SPAG17: variants seen among roughly 807,000 people sequenced by gnomAD.
SPAG17 encodes the protein sperm associated antigen 17, also known as sperm-associated antigen 17.
Under a neutral mutation model 273.6 loss-of-function variants are expected in SPAG17, and 169 were observed. That is an observed-to-expected ratio of 0.62 (90% CI 0.55 to 0.70). The LOEUF is 0.70. SPAG17 is among the 30% of genes least tolerant of loss of function. The pLI is 0.00. For synonymous variants in SPAG17, 825 were observed against 873.2 expected, an observed-to-expected ratio of 0.94 and a Z score of 0.97; for missense variants, 2,557 against 2,627.8, an observed-to-expected ratio of 0.97 and a Z score of 0.59.
At chr1:118,090,611 C>T (rs941694853) in intron 10 of SPAG17, among the ~76,000 whole-genome samples, 1 of 152,070 alleles carries the variant, frequency 6.6e-6, no homozygotes, top group African/African-American at 2.4e-5. Context: ...GAGCCAGACA[C>T]GGTGGTTCAT....
chr1:118,047,517 TC>T (rs1419001920), intron 20 of SPAG17, among the ~76,000 whole-genome samples: 1 of 151,926 alleles, frequency 6.6e-6, no homozygotes, highest in Non-Finnish European at 1.5e-5. Flanking sequence ...TCAAGCTGGC[TC>T]CCCATGGCCC....
At chr1:118,159,047 T>G (rs74113558) in intron 1 of SPAG17, among the ~76,000 whole-genome samples, 30 of 152,308 alleles carry the variant, frequency 2.0e-4, no homozygotes, top group African/African-American at 7.2e-4. Flanking sequence ...TAAAGAGAAC[T>G]TTTACACATG....
intron 24 of SPAG17, among the ~76,000 whole-genome samples, chr1:118,032,843 C>T (rs1027036778): frequency 7.2e-5 from 11 of 152,256 alleles, no homozygotes; most frequent in East Asian, 5.8e-4. Flanking sequence ...ATCCGCCCAC[C>T]TCGGCCTCCA....
intron 3 of SPAG17, among the ~76,000 whole-genome samples, chr1:118,144,094 G>A (rs1268059805): frequency 6.6e-6 from 1 of 152,198 alleles, no homozygotes; most frequent in African/African-American, 2.4e-5. Flanking sequence ...AAGAGAGCTG[G>A]GGCATGATTT....
chr1:118,119,171 A>G (rs573471698), intron 3 of SPAG17, among the ~76,000 whole-genome samples: 1 of 152,324 alleles, frequency 6.6e-6, no homozygotes, highest in African/African-American at 2.4e-5. Context: ...ATATATGTGC[A>G]TATATAAGAT....
Position 117,966,732 on chromosome 1 carries a change from C to A in SPAG17, c.6409G>T (p.Glu2137Ter). The A allele has an allele frequency of 6.2e-7, 1 of 1,612,806 alleles. No homozygotes were observed. Among genetic ancestry groups the A allele is most frequent in the African/African-American group, 1.3e-5 (1 of 75,006 alleles). ...PGPVAAGMQT[E>*]LNIELFATAV... ...GTGGCAAATAACTCTATATTCAGTTCTGTCTGCATACCAGCTGCCACCTAT... is the reference window on the plus strand; with the variant it reads ...GTGGCAAATAACTCTATATTCAGTTATGTCTGCATACCAGCTGCCACCTAT... Residue 2137 changes from glutamate to a stop codon, truncating the protein, a stop_gained, in exon 47 of 49, where the codon GAA becomes TAA. Coordinates refer to ENST00000336338, the MANE Select transcript of SPAG17 (RefSeq NM_206996.4). LOFTEE classifies it high-confidence loss of function.
chr1:117,966,102 AT>A (rs1653810243), intron 47 of SPAG17: 1 of 152,252 alleles, frequency 6.6e-6, no homozygotes, highest in African/African-American at 2.4e-5. Flanking sequence ...TCTGCTACAA[AT>A]TATATAATAC....
chr1:118,081,869 G>A (rs1157502076), intron 13 of SPAG17, among the ~76,000 whole-genome samples: 1 of 152,166 alleles, frequency 6.6e-6, no homozygotes. Flanking sequence ...AAATTATAAT[G>A]CTCCCAAACT....
At chr1:118,029,608 T>C (rs1648188758) in intron 25 of SPAG17, among the ~76,000 whole-genome samples, 1 of 152,212 alleles carries the variant, frequency 6.6e-6, no homozygotes, top group Non-Finnish European at 1.5e-5. Flanking sequence ...TGGGTGTGTT[T>C]ACTTTAAAAT....
intron 39 of SPAG17, 52 bp downstream of exon 39, chr1:117,988,053 T>C: frequency 6.6e-7 from 1 of 1,505,082 alleles, no homozygotes. Flanking sequence ...TTCCATTTCC[T>C]CAATCACTGC....
At chr1:118,018,090 G>T (rs1344208805) in intron 28 of SPAG17, among the ~76,000 whole-genome samples, 1 of 152,208 alleles carries the variant, frequency 6.6e-6, no homozygotes, top group African/African-American at 2.4e-5. Flanking sequence ...AGGTAAAATA[G>T]CTCTGAAGTT....
intron 24 of SPAG17, among the ~76,000 whole-genome samples, chr1:118,032,479 T>C (rs1007911933): frequency 4.5e-4 from 68 of 152,184 alleles, no homozygotes; most frequent in African/African-American, 1.6e-3. Flanking sequence ...GAATTTTATT[T>C]TCCTCTAGGT....
chr1:117,970,170 A>G (rs1223054258), intron 45 of SPAG17, 54 bp from the exon 46 acceptor site: 13 of 1,538,922 alleles, frequency 8.4e-6, no homozygotes, highest in Admixed American at 3.6e-5. Context: ...CCCATGAGCA[A>G]TGAATAAGCT....
At chr1:117,976,636 C>T (rs11805113) in intron 43 of SPAG17, among the ~76,000 whole-genome samples, 77,135 of 151,912 alleles carry the variant, frequency 0.51, 20,041 homozygotes, top group South Asian at 0.65. Flanking sequence ...CCTTGGCTCC[C>T]ACAGTGTGGC....
intron 3 of SPAG17, among the ~76,000 whole-genome samples, chr1:118,135,377 G>A (rs1658285274): frequency 7.6e-6 from 1 of 131,252 alleles, no homozygotes; most frequent in South Asian, 2.4e-4. Flanking sequence ...AGCAATGTGT[G>A]TGTGTGTGTG....
At chr1:118,171,984 T>C (rs1660440611) in intron 1 of SPAG17, among the ~76,000 whole-genome samples, 1 of 152,076 alleles carries the variant, frequency 6.6e-6, no homozygotes, top group Admixed American at 6.6e-5. Context: ...ACCCTGGGAG[T>C]CTCCATCTCT....
intron 28 of SPAG17, among the ~76,000 whole-genome samples, chr1:118,018,580 C>A (rs1423055596): frequency 6.6e-6 from 1 of 151,704 alleles, no homozygotes; most frequent in Non-Finnish European, 1.5e-5. Context: ...CACCTATAAT[C>A]TTAGCATTTT....
rs560034749 is a variant in SPAG17, at chr1:118,161,787, G to A, written c.88-10418C>T. On this transcript the variant is annotated intron_variant, in intron 1 of 48. Transcript: ENST00000336338. Reference sequence around the variant, plus strand: ...CCTGACCTCATGATCTGCCTGCCTCGGCCTCCCAAAGTGCTGGGATTACAG... The same window carrying A: ...CCTGACCTCATGATCTGCCTGCCTCAGCCTCCCAAAGTGCTGGGATTACAG... Among the ~76,000 whole-genome samples, 10 of 152,226 alleles carry A rather than the reference G, an allele frequency of 6.6e-5. No individual in the cohort carries two copies. The East Asian group carries it at 1.5e-3, about 24-fold the overall frequency.
chr1:117,961,216 G>C (rs1284164378), intron 48 of SPAG17: 2 of 152,190 alleles, frequency 1.3e-5, no homozygotes, highest in African/African-American at 4.8e-5. Flanking sequence ...CCGGCAGGCG[G>C]AGATTGCAGT....
Sources: allele counts gnomAD v4.1 joint callset (sites outside exome capture counted in the v4.1 genomes callset), GRCh38; gene constraint gnomAD v4.1.1; transcripts MANE v1.5; gene names NCBI Gene and HGNC (gene_info 2026-07-23, HGNC 2026-07-21).